NSMF: variants seen among roughly 807,000 people sequenced by gnomAD.
NSMF encodes nasal embryonic LHRH factor.
A neutral mutation model predicts 71.0 loss-of-function variants in NSMF; 31 were observed. The ratio of observed to expected loss-of-function variants is 0.44; its 90% CI spans 0.33 to 0.59. The LOEUF is 0.59. NSMF is among the 20% of genes least tolerant of loss of function. The pLI is 0.04. For missense variants in NSMF, 673 were observed against 740.5 expected (o/e 0.91, Z 1.06); for synonymous variants, 345 against 287.1 (o/e 1.20, Z -2.04).
chr9:137,454,528 C>G (rs188132660), intron 6 of NSMF, 85 bp from the exon 7 acceptor site: 112 of 1,549,450 alleles, frequency 7.2e-5, no homozygotes, highest in Admixed American at 6.9e-4. Flanking sequence ...GGTCATGGCT[C>G]TACTCTCACC....
Position 137,457,729 on chromosome 9 carries a change from G to A in NSMF, c.306C>T (p.Tyr102=), listed in dbSNP as rs1396556208. 2 of 1,556,646 alleles carry A rather than the reference G, an allele frequency of 1.3e-6. No individual in the cohort carries two copies. The highest frequency in any genetic ancestry group is 2.4e-5 in the East Asian group (1 of 41,838). The change falls in exon 3 of 16, where the codon TAC becomes TAT. Residue 102 remains tyrosine (Y), a synonymous_variant. Transcript: ENST00000371475. The part of the protein sequence containing the change: ...PAGEGPQPRV[Y]TISGEPALLP... ...GCAGGGCAGGCTCCCCAGAGATGGT[G>A]TACACTCGAGGCTGAGGGCCCTCGC...
In NSMF at chr9:137,453,211, G is replaced by A; in HGVS notation, c.923-31C>T. 2 of 1,611,354 alleles carry A rather than the reference G, an allele frequency of 1.2e-6. No homozygotes were observed. The highest frequency in any genetic ancestry group is 1.7e-6 in the Non-Finnish European group (2 of 1,179,752). Reference sequence around the variant, plus strand: ...AAGCAAGAGGGTCACCAGGACAGCAGGCCCGGCAGCACCTCCTATCCTGGC... The same window carrying A: ...AAGCAAGAGGGTCACCAGGACAGCAAGCCCGGCAGCACCTCCTATCCTGGC... On this transcript the variant is annotated intron_variant, in intron 8 of 15. Transcript: ENST00000371475. This position sits in a 1 kb window ranked among gnomAD's most constrained non-coding sequence, Gnocchi z 4.5.
Position 137,457,549 on chromosome 9 carries a change from C to G in NSMF, c.486G>C (p.Gln162His), listed in dbSNP as rs1444790540. 6.3e-7 allele frequency: 1 copy of G among 1,595,290 alleles called. No individual in the cohort carries two copies. Among genetic ancestry groups the G allele is most frequent in the Non-Finnish European group, 8.5e-7 (1 of 1,171,760 alleles). Residue 162 changes from glutamine to histidine, a missense_variant, in exon 3 of 16, where the codon CAG (glutamine) becomes CAC (histidine). Physicochemically the swap from Gln to His is conservative, Grantham distance 24 (BLOSUM62 0). Around this residue, in one of 2 missense-constraint regions of NSMF, gnomAD observed 471 missense variants for 459.6 expected, o/e 1.02. Transcript: ENST00000371475. ...CACATCCGGGGCACTCCTTGGAGCC[C>G]TGGCGGCTGCCCGCCCAGCTCTGGC... Reference protein sequence around the residue: ...RPCQSWAGSRQGSKECPGCAQ... With the variant: ...RPCQSWAGSRHGSKECPGCAQ...
At chr9:137,454,682 G>A in intron 6 of NSMF, 2 of 1,524,062 alleles carry the variant, frequency 1.3e-6, no homozygotes, top group Non-Finnish European at 1.8e-6. Context: ...CTGGCGCTCT[G>A]GATCAAGTCT....
At chr9:137,451,841 C>A (rs1830541113) in intron 12 of NSMF, among the ~76,000 whole-genome samples, 2 of 49,206 alleles carry the variant, frequency 4.1e-5, no homozygotes, top group Non-Finnish European at 8.1e-5. Flanking sequence ...CCGCCACACG[C>A]CTCTTCTCCT....
In NSMF at chr9:137,459,131, C is replaced by T. The variant is rs1831043177; in HGVS notation, c.-29G>A. 2 of 1,187,298 alleles carry T rather than the reference C, an allele frequency of 1.7e-6. No individual in the cohort carries two copies. The highest frequency in any genetic ancestry group is 4.5e-5 in the Admixed American group (1 of 22,046). 73.5% of individuals were successfully genotyped at this position (1,187,298 alleles called of 1,614,324 possible). On this transcript the variant is annotated 5_prime_UTR_variant, in exon 1 of 16. Coordinates refer to ENST00000371475, the MANE Select transcript of NSMF (RefSeq NM_001130969.3). ...CGAGGCGGCGGCGCATCCCCCGGGCCTCAGAGCGCGCCCCGCGCCCGCCGC... is the reference window on the plus strand; with the variant it reads ...CGAGGCGGCGGCGCATCCCCCGGGCTTCAGAGCGCGCCCCGCGCCCGCCGC...
chr9:137,452,348 CG>C lies in NSMF; in HGVS notation c.1236+16del. On this transcript the variant is annotated intron_variant, in intron 12 of 15. Coordinates refer to ENST00000371475, the MANE Select transcript of NSMF (RefSeq NM_001130969.3). Reference sequence around the variant, plus strand: ...CACGATTCTTCTCCTGGTCAGGAGACGAGCACTGAGCCCCACCTGGCAGAAA... The same window carrying C: ...CACGATTCTTCTCCTGGTCAGGAGACAGCACTGAGCCCCACCTGGCAGAAA... 1 of 1,609,118 alleles carries C rather than the reference CG, an allele frequency of 6.2e-7. No homozygotes were observed. The highest frequency in any genetic ancestry group is 8.5e-7 in the Non-Finnish European group (1 of 1,178,340).
rs1398177419 is a variant in NSMF at position 137,448,384 on chromosome 9, C to A, written c.*1010G>T. The A allele has an allele frequency of 1.3e-5, 2 of 152,396 alleles. No homozygotes were observed. The highest frequency in any genetic ancestry group is 2.9e-5 in the Non-Finnish European group (2 of 68,034). 9.4% of individuals were successfully genotyped at this position (152,396 alleles called of 1,614,324 possible). ...CCTGCCCCCTCGCCCCAGCTATATA[C>A]ACGACAGCCCATCCTGCTGGCCGTG... On this transcript the variant is annotated 3_prime_UTR_variant, in exon 16 of 16. Transcript: ENST00000371475. This position sits in a 1 kb window ranked among gnomAD's most constrained non-coding sequence, Gnocchi z 5.3.
chr9:137,453,969 G>A lies in NSMF; in HGVS notation c.833-149C>T, dbSNP rs909292836. On this transcript the variant is annotated intron_variant, in intron 7 of 15. Coordinates refer to ENST00000371475, the MANE Select transcript of NSMF (RefSeq NM_001130969.3). This position sits in a 1 kb window ranked among gnomAD's most constrained non-coding sequence, Gnocchi z 4.5. ...GCACATGAAGCAGACACGGACCAGA[G>A]GCTCGGTTGGTTCAGGGGCAGGATC... is the stretch of plus-strand genomic sequence containing the variant. 10 of 678,326 alleles carry A rather than the reference G, an allele frequency of 1.5e-5. No homozygotes were observed. Among genetic ancestry groups the A allele is most frequent in the African/African-American group, 7.2e-5 (4 of 55,878 alleles). The allele number at this position is 678,326 out of a possible 1,614,324, so 42.0% of individuals were successfully genotyped here.
In NSMF at chr9:137,449,086, A is replaced by C. The variant is rs1471510219; in HGVS notation, c.*308T>G. 1 of 525,790 alleles carries C rather than the reference A, an allele frequency of 1.9e-6. No individual in the cohort carries two copies. The highest frequency in any genetic ancestry group is 3.5e-6 in the Non-Finnish European group (1 of 288,940). The allele number at this position is 525,790 out of a possible 1,614,324, so 32.6% of individuals were successfully genotyped here. On this transcript the variant is annotated 3_prime_UTR_variant, in exon 16 of 16. Coordinates refer to ENST00000371475, the MANE Select transcript of NSMF (RefSeq NM_001130969.3). ...GGGTGTAGAAATTGCACTTATTTCT[A>C]TGAACCCCATGGAGGGATGCCCACA...
chr9:137,452,369 C>T lies in NSMF; in HGVS notation c.1232G>A (p.Cys411Tyr), dbSNP rs761488406. Residue 411 changes from cysteine (C) to tyrosine (Y), a missense_variant, in exon 12 of 16, where the codon TGC becomes TAC. Cys to Tyr is a radical substitution (Grantham distance 194). This residue lies in a region of NSMF where 202 missense variants were observed against 280.8 expected (regional missense o/e 0.72). Transcript: ENST00000371475. Reference sequence around the variant, plus strand: ...GAGACGAGCACTGAGCCCCACCTGGCAGAAAATCAGCATTTTCCAGATCTT... The same window carrying T: ...GAGACGAGCACTGAGCCCCACCTGGTAGAAAATCAGCATTTTCCAGATCTT... ...GAKIWKMLIF[C>Y]QGGPGHLYLL... 6.2e-7 allele frequency: 1 copy of T among 1,611,886 alleles called. No homozygotes were observed. The highest frequency in any genetic ancestry group is 1.1e-5 in the South Asian group (1 of 91,018).
At chr9:137,450,085 GA>G (rs772142072) in intron 13 of NSMF, 60 bp from the exon 14 acceptor site, 1 of 1,573,732 alleles carries the variant, frequency 6.4e-7, no homozygotes, top group African/African-American at 1.3e-5. Context: ...CCACAGAGCG[GA>G]CCGTGGAGGA....
chr9:137,448,524 GCCCCAGCTGGGCCC>G lies in NSMF; in HGVS notation c.*856_*869del, dbSNP rs1035791390. 2 of 152,050 alleles carry G rather than the reference GCCCCAGCTGGGCCC, an allele frequency of 1.3e-5. No individual in the cohort carries two copies. The highest frequency in any genetic ancestry group is 2.9e-5 in the Non-Finnish European group (2 of 68,010). The allele number at this position is 152,050 out of a possible 1,614,324, so 9.4% of individuals were successfully genotyped here. On this transcript the variant is annotated 3_prime_UTR_variant, in exon 16 of 16. Coordinates refer to ENST00000371475, the MANE Select transcript of NSMF (RefSeq NM_001130969.3). This position sits in a 1 kb window ranked among gnomAD's most constrained non-coding sequence, Gnocchi z 5.3. The stretch of plus-strand genomic sequence containing the variant: ...CGAGTTTCTCAAAACCCAGGGCCCA[GCCCCAGCTGGGCCC>G]CTGCCAAGCCCCAGGCCTGTGTGCT...
In NSMF at chr9:137,449,367, TG is replaced by T; in HGVS notation, c.*26del. The stretch of plus-strand genomic sequence containing the variant: ...TCCCGGTGCAGAGGGAGTGGCCTGA[TG>T]GTGACTGGGCGGAGGCCTCTGCCCC... On this transcript the variant is annotated 3_prime_UTR_variant, in exon 16 of 16. Transcript: ENST00000371475. The T allele has an allele frequency of 6.3e-7, 1 of 1,592,102 alleles. No individual in the cohort carries two copies. Among genetic ancestry groups the T allele is most frequent in the Non-Finnish European group, 8.6e-7 (1 of 1,161,732 alleles).
At chr9:137,454,617 TTCCCGCGACAGCCTTCCAGGGCTCC>T (rs1404785027) in intron 6 of NSMF, 174 bp from the exon 7 acceptor site, 1 of 1,539,096 alleles carries the variant, frequency 6.5e-7, no homozygotes, top group Non-Finnish European at 8.7e-7. Flanking sequence ...CCCAGTGCTC[TTCCCGCGACAGCCTTCCAGGGCTCC>T]CCTTCAACTC....
rs963688660 is a variant in NSMF at position 137,454,450 on chromosome 9, G to A, written c.780-7C>T. 1.3e-6 allele frequency: 2 copies of A among 1,550,126 alleles called. No homozygotes were observed. Among genetic ancestry groups the A allele is most frequent in the Admixed American group, 2.0e-5 (1 of 50,982 alleles). The stretch of plus-strand genomic sequence containing the variant: ...CAGGTGTTTGCGGAAGTTCCTGGGG[G>A]AGGAAGCCAGGGGCTGAAGAGGGCC... On this transcript the variant is annotated splice_region_variant and splice_polypyrimidine_tract_variant and intron_variant, in intron 6 of 15. Transcript: ENST00000371475.
rs924512176 is a variant in NSMF at position 137,452,450 on chromosome 9, G to A, written c.1166-15C>T. ...CTCTATCTCCTCTGTGGGAGAGCGG[G>A]TGTGAGTGCTGCGGCCCCCACCCCA... On this transcript the variant is annotated splice_polypyrimidine_tract_variant and intron_variant, in intron 11 of 15. Transcript: ENST00000371475. The A allele has an allele frequency of 3.7e-6, 6 of 1,612,136 alleles. No individual in the cohort carries two copies. The East Asian group carries it at 8.9e-5, about 24-fold the overall frequency.
In NSMF at chr9:137,456,629, C is replaced by T. The variant is rs1830851588; in HGVS notation, c.629-143G>A. The T allele has an allele frequency of 4.1e-6, 3 of 725,828 alleles. No individual in the cohort carries two copies. The South Asian group carries it at 4.3e-5, about 10-fold the overall frequency. 45.0% of individuals were successfully genotyped at this position (725,828 alleles called of 1,614,324 possible). Reference sequence around the variant, plus strand: ...GCGGGTGGGGGGAGGGTGGCATCCCCACACGGGCACAGAGGGCAGTGCTCG... The same window carrying T: ...GCGGGTGGGGGGAGGGTGGCATCCCTACACGGGCACAGAGGGCAGTGCTCG... On this transcript the variant is annotated intron_variant, in intron 3 of 15. Transcript: ENST00000371475.
In NSMF at chr9:137,453,183, G is replaced by C; in HGVS notation, c.923-3C>G. The C allele has an allele frequency of 6.2e-7, 1 of 1,612,456 alleles. No individual in the cohort carries two copies. Among genetic ancestry groups the C allele is most frequent in the South Asian group, 1.1e-5 (1 of 91,078 alleles). On this transcript the variant is annotated splice_polypyrimidine_tract_variant and splice_region_variant and intron_variant, in intron 8 of 15. Transcript: ENST00000371475. This position sits in a 1 kb window ranked among gnomAD's most constrained non-coding sequence, Gnocchi z 4.5. The stretch of plus-strand genomic sequence containing the variant: ...GTGGGAGCTCTGCAGGTCACTGCCT[G>C]GGAAGCAAGAGGGTCACCAGGACAG...
Sources: gnomAD v4.1 joint callset for allele counts (sites outside exome capture counted in the v4.1 genomes callset) on GRCh38, gnomAD v4.1.1 for gene constraint, gnomAD v4.1.1 regional missense constraint, Gnocchi (gnomAD v3.1) non-coding constraint, MANE v1.5 for transcripts, NCBI Gene and HGNC (gene_info 2026-07-23, HGNC 2026-07-21) for gene names.